ATP2B2: variants seen among roughly 807,000 people sequenced by gnomAD.
ATP2B2 encodes ATPase plasma membrane Ca2+ transporting 2.
In ATP2B2, 15 loss-of-function variants were observed where a neutral mutation model predicts 120.0. The observed-to-expected ratio is 0.12, with a 90% confidence interval of 0.08 to 0.19. The LOEUF is 0.19. ATP2B2 is among the 10% of genes least tolerant of loss of function. The probability of loss-of-function intolerance (pLI) is 1.00; values close to 1 mark genes in which losing one functional copy is unlikely to be tolerated. For missense variants in ATP2B2, 1,045 were observed against 1,719.8 expected, an observed-to-expected ratio of 0.61 and a Z score of 6.94; for synonymous variants, 694 against 700.3, an observed-to-expected ratio of 0.99 and a Z score of 0.14.
At chr3:10,706,679 C>T (rs1213959300) in intron 1 of ATP2B2, among the ~76,000 whole-genome samples, 1 of 152,156 alleles carries the variant, frequency 6.6e-6, no homozygotes, top group African/African-American at 2.4e-5. Context: ...GTTTTGGATA[C>T]AGACCATACA....
chr3:10,588,012 G>A (rs185744347), intron 2 of ATP2B2, among the ~76,000 whole-genome samples: 33 of 152,298 alleles, frequency 2.2e-4, no homozygotes, highest in Admixed American at 1.2e-3. Flanking sequence ...CAATTTCCCC[G>A]TGCCACTAGT....
chr3:10,612,068 C>T (rs2069254448), intron 2 of ATP2B2, among the ~76,000 whole-genome samples: 1 of 152,186 alleles, frequency 6.6e-6, no homozygotes. Flanking sequence ...TCTCCAACCA[C>T]ACTCTGAGCT....
intron 2 of ATP2B2, among the ~76,000 whole-genome samples, chr3:10,537,754 A>T (rs908985122): frequency 6.6e-6 from 1 of 152,188 alleles, no homozygotes; most frequent in African/African-American, 2.4e-5. Flanking sequence ...CTTGTTCCCA[A>T]TCTCAGGGGA....
intron 1 of ATP2B2, among the ~76,000 whole-genome samples, chr3:10,654,375 A>T (rs971786533): frequency 2.6e-5 from 4 of 152,178 alleles, no homozygotes; most frequent in South Asian, 2.1e-4. Context: ...GTCTTGATAA[A>T]TATTTGCTCA....
intron 2 of ATP2B2, among the ~76,000 whole-genome samples, chr3:10,592,546 T>C (rs1005242768): frequency 1.3e-5 from 2 of 152,202 alleles, no homozygotes; most frequent in South Asian, 2.1e-4. Flanking sequence ...ACTTGAGTAA[T>C]AAACCTTGCA....
chr3:10,484,131 G>A (rs2065529348), intron 1 of ATP2B2, among the ~76,000 whole-genome samples: 1 of 152,184 alleles, frequency 6.6e-6, no homozygotes, highest in African/African-American at 2.4e-5. Context: ...GCATCGTGAT[G>A]GTGCTGGCCC....
Position 10,324,465 on chromosome 3 carries a change from G to A in ATP2B2, c.*4349C>T, listed in dbSNP as rs934783068. On this transcript the variant is annotated 3_prime_UTR_variant, in exon 23 of 23. Coordinates refer to ENST00000360273, the MANE Select transcript of ATP2B2 (RefSeq NM_001001331.4). The stretch of plus-strand genomic sequence containing the variant: ...GGTATGATCTCTACATTAAAATCAG[G>A]AGAGCTTGGTTTGGAACTTTGAAAA... 1 of 152,206 alleles carries A rather than the reference G, an allele frequency of 6.6e-6. No homozygotes were observed. Among genetic ancestry groups the A allele is most frequent in the Non-Finnish European group, 1.5e-5 (1 of 68,046 alleles). 9.4% of individuals were successfully genotyped at this position (152,206 alleles called of 1,614,324 possible).
chr3:10,341,725 C>T (rs2060283657), intron 19 of ATP2B2, among the ~76,000 whole-genome samples: 1 of 152,142 alleles, frequency 6.6e-6, no homozygotes. Context: ...AGTGGTCAAG[C>T]CAGCAAGCCG....
chr3:10,438,050 AG>A (rs2063533752), intron 2 of ATP2B2, among the ~76,000 whole-genome samples: 1 of 151,692 alleles, frequency 6.6e-6, no homozygotes, highest in African/African-American at 2.4e-5. Context: ...GGGAGCCAGG[AG>A]GTTGCAGGGG....
At position 10,645,673 on chromosome 3, in the gene ATP2B2, T is replaced by C. The variant is rs978313410; in HGVS notation, c.-459-25712A>G. On this transcript the variant is annotated intron_variant, in intron 1 of 21. Transcript: ENST00000646379. ...GGAGGCAGGCCTGAGGGATGAGGTC[T>C]GTGAATTGAGTCTGCATCTGTCTCC... is the stretch of plus-strand genomic sequence containing the variant. Among the ~76,000 whole-genome samples the C allele has an allele frequency of 9.2e-5, 14 of 152,210 alleles. 1 individual carries two copies. The highest frequency in any genetic ancestry group is 8.5e-4 in the Admixed American group (13 of 15,290).
chr3:10,384,257 T>C (rs1039398956), intron 8 of ATP2B2, among the ~76,000 whole-genome samples: 4 of 151,990 alleles, frequency 2.6e-5, no homozygotes, highest in Non-Finnish European at 5.9e-5. Context: ...TGGTGAGAAG[T>C]GAATGATATG....
intron 2 of ATP2B2, among the ~76,000 whole-genome samples, chr3:10,586,524 T>C (rs970828567): frequency 7.2e-5 from 11 of 152,144 alleles, no homozygotes; most frequent in Admixed American, 1.3e-4. Context: ...TGACTAGGGA[T>C]GTGAGGCAGA....
chr3:10,472,134 G>C (rs901713113), intron 1 of ATP2B2, among the ~76,000 whole-genome samples: 1 of 151,956 alleles, frequency 6.6e-6, no homozygotes, highest in Non-Finnish European at 1.5e-5. Flanking sequence ...GGGAGGGAGA[G>C]GGAGGGACGC....
intron 2 of ATP2B2, among the ~76,000 whole-genome samples, chr3:10,560,387 G>A (rs1368975681): frequency 6.6e-6 from 1 of 152,158 alleles, no homozygotes; most frequent in Non-Finnish European, 1.5e-5. Flanking sequence ...CCTCACTGAG[G>A]CTCTCACTCT....
intron 3 of ATP2B2, among the ~76,000 whole-genome samples, chr3:10,514,670 C>G (rs2066841503): frequency 6.6e-6 from 1 of 152,214 alleles, no homozygotes; most frequent in Admixed American, 6.5e-5. Context: ...CGCCTGTTAG[C>G]CCCATAAGGA....
In ATP2B2 at chr3:10,388,410, A is replaced by G; in HGVS notation, c.782-8T>C. ...CCTCCATCACGTGGGTTCCTGGGAA[A>G]GGGGACAAAAGCCAAGTTACCATTG... On this transcript the variant is annotated splice_region_variant and splice_polypyrimidine_tract_variant and intron_variant, in intron 5 of 22. Transcript: ENST00000360273. 6.2e-7 allele frequency: 1 copy of G among 1,614,146 alleles called. No individual in the cohort carries two copies. Among genetic ancestry groups the G allele is most frequent in the South Asian group, 1.1e-5 (1 of 91,082 alleles).
intron 2 of ATP2B2, among the ~76,000 whole-genome samples, chr3:10,583,149 T>G (rs1239386412): frequency 1.3e-5 from 2 of 152,238 alleles, no homozygotes; most frequent in East Asian, 3.8e-4. Context: ...GTACATGATA[T>G]GATTTAGACT....
intron 1 of ATP2B2, among the ~76,000 whole-genome samples, chr3:10,657,405 T>A (rs898643584): frequency 1.3e-5 from 2 of 152,230 alleles, no homozygotes; most frequent in African/African-American, 2.4e-5. Context: ...TCCTTTGCCC[T>A]TTTTTGGAAA....
At position 10,665,631 on chromosome 3, in the gene ATP2B2, G is replaced by C. The variant is rs571683732; in HGVS notation, c.-460+42284C>G. Among the ~76,000 whole-genome samples the C allele has an allele frequency of 5.9e-5, 9 of 152,324 alleles. No individual in the cohort carries two copies. The South Asian group carries it at 1.9e-3, about 32-fold the overall frequency. On this transcript the variant is annotated intron_variant, in intron 1 of 21. Coordinates refer to the ATP2B2 transcript ENST00000646379. Reference sequence around the variant, plus strand: ...TGAATCAATGAACAAAAGCAAAGATGTGTGGGAATTTACAGCTGAAACTGC... The same window carrying C: ...TGAATCAATGAACAAAAGCAAAGATCTGTGGGAATTTACAGCTGAAACTGC...
Sources: allele counts gnomAD v4.1 joint callset (sites outside exome capture counted in the v4.1 genomes callset), GRCh38; gene constraint gnomAD v4.1.1; transcripts MANE v1.5; gene names NCBI Gene and HGNC (gene_info 2026-07-23, HGNC 2026-07-21).